Variants in MYO9A observed in about 807,000 individuals in gnomAD.
The protein encoded by MYO9A is myosin IXA.
In MYO9A, 103 loss-of-function variants were observed where a neutral mutation model predicts 293.3. The observed-to-expected ratio is 0.35, with a 90% CI of 0.30 to 0.41. The LOEUF (loss-of-function observed/expected upper bound fraction) is 0.41, where lower values mean the gene tolerates loss of function less well. Among genes scored for constraint, MYO9A ranks in the 10% least tolerant of loss-of-function variants. The pLI, the probability that MYO9A is intolerant of heterozygous loss-of-function variation, is 1.00. For missense variants in MYO9A, 2,685 were observed against 3,033.0 expected, an observed-to-expected ratio of 0.89 and a Z score of 2.69; for synonymous variants, 1,001 against 1,035.7, an observed-to-expected ratio of 0.97 and a Z score of 0.64.
intron 32 of MYO9A, among the ~76,000 whole-genome samples, chr15:71,865,098 A>C (rs998234520): frequency 5.9e-5 from 9 of 152,200 alleles, no homozygotes; most frequent in African/African-American, 2.2e-4. Context: ...AAATGTTGAC[A>C]CATTTCATTA....
At chr15:72,014,892 G>A (rs1257428042) in intron 6 of MYO9A, among the ~76,000 whole-genome samples, 3 of 152,078 alleles carry the variant, frequency 2.0e-5, no homozygotes, top group Non-Finnish European at 4.4e-5. Flanking sequence ...CACCCACGCT[G>A]GAGTGCACTG....
chr15:71,867,452 C>A (rs1020834179), intron 32 of MYO9A, among the ~76,000 whole-genome samples: 2 of 151,910 alleles, frequency 1.3e-5, no homozygotes, highest in Non-Finnish European at 1.5e-5. Context: ...AGTGAAAAGA[C>A]AACTGACAAA....
At chr15:71,920,445 T>C (rs941021121) in intron 18 of MYO9A, among the ~76,000 whole-genome samples, 1 of 152,156 alleles carries the variant, frequency 6.6e-6, no homozygotes, top group South Asian at 2.1e-4. Context: ...AGAGCTGCCA[T>C]GTTAAAACAC....
intron 7 of MYO9A, among the ~76,000 whole-genome samples, chr15:72,008,439 G>A (rs1221934543): frequency 1.2e-5 from 1 of 84,786 alleles, no homozygotes; most frequent in Admixed American, 9.6e-5. Context: ...GTAAATGGGT[G>A]TGTGTGTGTG....
chr15:72,082,235 C>A (rs1483656475), intron 1 of MYO9A, among the ~76,000 whole-genome samples: 1 of 152,118 alleles, frequency 6.6e-6, no homozygotes, highest in South Asian at 2.1e-4. Context: ...TTGTAGATAT[C>A]TTTCCCCTCC....
intron 8 of MYO9A, among the ~76,000 whole-genome samples, chr15:72,001,023 G>T (rs547548658): frequency 1.3e-5 from 2 of 152,112 alleles, no homozygotes; most frequent in African/African-American, 4.8e-5. Flanking sequence ...TTCAGCTTTA[G>T]AGAATACTAC....
At chr15:72,035,203 A>G (rs984613723) in intron 2 of MYO9A, among the ~76,000 whole-genome samples, 6 of 152,230 alleles carry the variant, frequency 3.9e-5, no homozygotes, top group Non-Finnish European at 7.3e-5. Context: ...AAGACAATCT[A>G]ACAAAAAGTA....
rs570912762 is a variant in MYO9A, at chr15:71,879,509, G to A, written c.5739+212C>T. Among the ~76,000 whole-genome samples, 4 of 152,232 alleles carry A rather than the reference G, an allele frequency of 2.6e-5. No individual in the cohort carries two copies. The South Asian group carries it at 8.3e-4, about 32-fold the overall frequency. ...TGTAAGGTGGGAAAAAGCTACTCAA[G>A]GAAATTCAAGGGAGCTTTTAATCTG... On this transcript the variant is annotated intron_variant, in intron 30 of 41. Coordinates refer to ENST00000356056, the MANE Select transcript of MYO9A (RefSeq NM_006901.4).
At chr15:71,862,953 A>G (rs945216477) in intron 32 of MYO9A, among the ~76,000 whole-genome samples, 2 of 121,216 alleles carry the variant, frequency 1.6e-5, no homozygotes, top group African/African-American at 6.5e-5. Flanking sequence ...TTTGAGACTT[A>G]GTCTTGCTAT....
At chr15:72,087,189 G>A (rs1368856034) in intron 1 of MYO9A, among the ~76,000 whole-genome samples, 1 of 152,198 alleles carries the variant, frequency 6.6e-6, no homozygotes, top group Non-Finnish European at 1.5e-5. Context: ...ACCAGGCTGG[G>A]TCCCCAGAAG....
rs184298422 is a variant in MYO9A at position 72,058,004 on chromosome 15, G to C, written c.-71-11370C>G. On this transcript the variant is annotated intron_variant, in intron 1 of 41. Coordinates refer to ENST00000356056, the MANE Select transcript of MYO9A (RefSeq NM_006901.4). ...GGTCGCCCTTGTTATCCAAATTCCTGATTTCAAAAAATCTCACAACCTAAA... is the reference window on the plus strand; with the variant it reads ...GGTCGCCCTTGTTATCCAAATTCCTCATTTCAAAAAATCTCACAACCTAAA... Among the ~76,000 whole-genome samples, 184 of 152,258 alleles carry C rather than the reference G, an allele frequency of 1.2e-3. 1 individual carries two copies. Among genetic ancestry groups the C allele is most frequent in the African/African-American group, 4.0e-3 (165 of 41,552 alleles).
At chr15:71,879,260 T>C (rs972867766) in intron 30 of MYO9A, among the ~76,000 whole-genome samples, 3 of 152,166 alleles carry the variant, frequency 2.0e-5, no homozygotes, top group Non-Finnish European at 4.4e-5. Context: ...TGTGAAAGTA[T>C]AAGGTAAATC....
intron 1 of MYO9A, among the ~76,000 whole-genome samples, chr15:72,099,630 C>T (rs1394638251): frequency 6.6e-6 from 1 of 151,406 alleles, no homozygotes; most frequent in East Asian, 1.9e-4. Context: ...AGGCTGGGCG[C>T]GGTGGCTCAT....
At chr15:72,021,367 TAA>T (rs2077498712) in intron 4 of MYO9A, among the ~76,000 whole-genome samples, 1 of 152,278 alleles carries the variant, frequency 6.6e-6, no homozygotes, top group Non-Finnish European at 1.5e-5. Context: ...GTTTACTCAA[TAA>T]AAAGAGCTAA....
chr15:72,073,457 C>T (rs1207969042), intron 1 of MYO9A, among the ~76,000 whole-genome samples: 1 of 152,166 alleles, frequency 6.6e-6, no homozygotes, highest in East Asian at 1.9e-4. Flanking sequence ...CAACATATAA[C>T]TCTTATTCAC....
chr15:72,115,981 A>G (rs1596622251), intron 1 of MYO9A, among the ~76,000 whole-genome samples: 1 of 152,372 alleles, frequency 6.6e-6, no homozygotes, highest in East Asian at 1.9e-4. Context: ...ATGTATTGTT[A>G]AGAAATGACC....
At chr15:72,004,725 G>A (rs1461989640) in intron 8 of MYO9A, among the ~76,000 whole-genome samples, 2 of 152,074 alleles carry the variant, frequency 1.3e-5, no homozygotes, top group Non-Finnish European at 1.5e-5. Flanking sequence ...TTATCAACTG[G>A]AGCTTGTTCA....
At chr15:71,926,258 C>A (rs7170461) in intron 18 of MYO9A, among the ~76,000 whole-genome samples, 30,078 of 151,912 alleles carry the variant, frequency 0.2, 3,198 homozygotes, top group East Asian at 0.4. Flanking sequence ...GGGGGGCATG[C>A]GCAAGGCATG....
At chr15:72,073,805 T>G (rs559746440) in intron 1 of MYO9A, among the ~76,000 whole-genome samples, 1 of 152,278 alleles carries the variant, frequency 6.6e-6, no homozygotes, top group Admixed American at 6.5e-5. Context: ...ATGGCAGGTA[T>G]CACAGCCTAA....
Sources: allele counts gnomAD v4.1 joint callset (sites outside exome capture counted in the v4.1 genomes callset), GRCh38; gene constraint gnomAD v4.1.1; transcripts MANE v1.5; gene names NCBI Gene and HGNC (gene_info 2026-07-23, HGNC 2026-07-21).